SMYD3: variants seen among roughly 807,000 people sequenced by gnomAD.
The protein encoded by SMYD3 is SET and MYND domain containing 3.
A neutral mutation model predicts 57.7 loss-of-function variants in SMYD3; 36 were observed. The observed-to-expected ratio is 0.62, with a 90% CI of 0.48 to 0.82. SMYD3 has a LOEUF of 0.82. SMYD3 is among the 40% of genes least tolerant of loss of function. SMYD3 has a pLI of 0.00. For missense variants in SMYD3, 515 were observed against 538.8 expected, an observed-to-expected ratio of 0.96 and a Z score of 0.44; for synonymous variants, 211 against 195.0, an observed-to-expected ratio of 1.08 and a Z score of -0.68.
chr1:246,114,126 C>T (rs2061303465), intron 5 of SMYD3, among the ~76,000 whole-genome samples: 1 of 144,442 alleles, frequency 6.9e-6, no homozygotes, highest in Admixed American at 6.6e-5. Flanking sequence ...TTCAGATGGG[C>T]TCTGACAGGG....
In SMYD3 at chr1:245,908,699, A is replaced by G. The variant is rs527880350; in HGVS notation, c.813+6831T>C. Among the ~76,000 whole-genome samples, 13 of 152,354 alleles carry G rather than the reference A, an allele frequency of 8.5e-5. No individual in the cohort carries two copies. The South Asian group carries it at 1.0e-3, about 12-fold the overall frequency. On this transcript the variant is annotated intron_variant, in intron 8 of 11. Coordinates refer to ENST00000490107, the MANE Select transcript of SMYD3 (RefSeq NM_001167740.2). ...GAAACTTTGGCTGTACAAATACATGAAAATTAAACATGCTTCTTGGGTCAG... is the reference window on the plus strand; with the variant it reads ...GAAACTTTGGCTGTACAAATACATGGAAATTAAACATGCTTCTTGGGTCAG...
At chr1:246,378,728 T>TATATAATTATATATAATATAAA (rs1214046221) in intron 1 of SMYD3, among the ~76,000 whole-genome samples, 2 of 106,394 alleles carry the variant, frequency 1.9e-5, no homozygotes, top group Non-Finnish European at 3.6e-5. Context: ...TAATATATTA[T>TATATAATTATATATAATATAAA]ATATTATATA....
intron 5 of SMYD3, among the ~76,000 whole-genome samples, chr1:246,068,683 G>T (rs1345998519): frequency 6.6e-6 from 1 of 152,186 alleles, no homozygotes; most frequent in African/African-American, 2.4e-5. Flanking sequence ...ATGAACTACA[G>T]AAGCATTTGT....
chr1:246,277,657 A>G (rs1027925193), intron 5 of SMYD3, among the ~76,000 whole-genome samples: 2 of 152,242 alleles, frequency 1.3e-5, no homozygotes, highest in Non-Finnish European at 2.9e-5. Flanking sequence ...ATGGATAAAC[A>G]AATTGTGTTA....
At chr1:245,903,025 G>A (rs1408799437) in intron 8 of SMYD3, among the ~76,000 whole-genome samples, 2 of 152,050 alleles carry the variant, frequency 1.3e-5, no homozygotes, top group African/African-American at 2.4e-5. Flanking sequence ...TGCTTGAAAC[G>A]AAATGCAAAA....
At chr1:245,775,448 A>C (rs2817491) in intron 10 of SMYD3, among the ~76,000 whole-genome samples, 62,468 of 150,132 alleles carry the variant, frequency 0.42, 17,121 homozygotes, top group East Asian at 0.88. Flanking sequence ...GTGCTGTGTC[A>C]ACTCAGGGTT....
At chr1:246,233,294 G>A (rs79512923) in intron 5 of SMYD3, among the ~76,000 whole-genome samples, 31 of 87,550 alleles carry the variant, frequency 3.5e-4, no homozygotes, top group South Asian at 1.7e-3. Flanking sequence ...GAGGAGAAGC[G>A]CTCCTCAATT....
rs996103542 is a variant in SMYD3 at position 246,255,746 on chromosome 1, T to C, written c.531+71455A>G. On this transcript the variant is annotated intron_variant, in intron 5 of 11. Transcript: ENST00000490107. ...TTTGTACAATACATCTGGCAGAATCTGGCAGCGAATCCATTTGTCTGGGGC... is the reference window on the plus strand; with the variant it reads ...TTTGTACAATACATCTGGCAGAATCCGGCAGCGAATCCATTTGTCTGGGGC... 3.3e-5 allele frequency among the ~76,000 whole-genome samples: 5 copies of C among 149,960 alleles called. No individual in the cohort carries two copies. The South Asian group carries it at 8.4e-4, about 25-fold the overall frequency.
chr1:245,933,518 T>C (rs558190660), intron 5 of SMYD3, among the ~76,000 whole-genome samples: 1 of 152,318 alleles, frequency 6.6e-6, no homozygotes, highest in Admixed American at 6.5e-5. Flanking sequence ...AAAAATCTAG[T>C]GAGTTGTCAT....
intron 2 of SMYD3, among the ~76,000 whole-genome samples, chr1:246,352,274 G>C (rs997213526): frequency 1.3e-5 from 2 of 151,800 alleles, no homozygotes; most frequent in Non-Finnish European, 2.9e-5. Context: ...TTGATGCCAT[G>C]GTCCCACACA....
At chr1:246,268,560 C>T (rs6704035) in intron 5 of SMYD3, among the ~76,000 whole-genome samples, 52,784 of 151,664 alleles carry the variant, frequency 0.35, 10,276 homozygotes, top group East Asian at 0.79. Context: ...AGACATTAGC[C>T]GGGCATGGTG....
At chr1:246,357,552 C>T (rs1401952371) in intron 1 of SMYD3, among the ~76,000 whole-genome samples, 2 of 152,158 alleles carry the variant, frequency 1.3e-5, no homozygotes, top group African/African-American at 4.8e-5. Context: ...TCCTAATAAA[C>T]TTGCTTTCAC....
intron 5 of SMYD3, among the ~76,000 whole-genome samples, chr1:246,174,020 G>C (rs1158806899): frequency 6.6e-6 from 1 of 152,020 alleles, no homozygotes; most frequent in Non-Finnish European, 1.5e-5. Context: ...ATGCTACTCA[G>C]ATTGGTCTCA....
chr1:245,835,485 A>G (rs2050064150), intron 10 of SMYD3, among the ~76,000 whole-genome samples: 1 of 152,216 alleles, frequency 6.6e-6, no homozygotes, highest in South Asian at 2.1e-4. Context: ...ATAAAAATAC[A>G]TACTTGACAA....
At chr1:246,331,490 T>C (rs2065460992) in intron 3 of SMYD3, among the ~76,000 whole-genome samples, 1 of 152,176 alleles carries the variant, frequency 6.6e-6, no homozygotes, top group African/African-American at 2.4e-5. Flanking sequence ...CCATCTTTAT[T>C]CCCACAAGAA....
At chr1:245,868,994 C>T (rs1038056183) in intron 8 of SMYD3, among the ~76,000 whole-genome samples, 8 of 152,174 alleles carry the variant, frequency 5.3e-5, no homozygotes, top group African/African-American at 1.9e-4. Flanking sequence ...TTTTTTATCA[C>T]AGTCCCTGAG....
intron 5 of SMYD3, chr1:245,953,284 G>T (rs1218041021): frequency 1.0e-6 from 1 of 999,448 alleles, no homozygotes. Flanking sequence ...AAACTTCACT[G>T]CACATTAATA....
chr1:246,406,582 T>C (rs113165876), intron 1 of SMYD3, among the ~76,000 whole-genome samples: 1 of 152,212 alleles, frequency 6.6e-6, no homozygotes, highest in Admixed American at 6.5e-5. Flanking sequence ...ACCGTGTCCA[T>C]AGTGCTACGT....
At chr1:245,892,275 C>T (rs2053435484) in intron 8 of SMYD3, among the ~76,000 whole-genome samples, 1 of 152,136 alleles carries the variant, frequency 6.6e-6, no homozygotes, top group Admixed American at 6.5e-5. Flanking sequence ...TAGACTATTT[C>T]CCCAGATCAT....
Sources: allele counts gnomAD v4.1 joint callset (sites outside exome capture counted in the v4.1 genomes callset), GRCh38; gene constraint gnomAD v4.1.1; transcripts MANE v1.5; gene names NCBI Gene and HGNC (gene_info 2026-07-23, HGNC 2026-07-21).